PROB1: variants seen among roughly 807,000 people sequenced by gnomAD.
The protein encoded by PROB1 is proline rich basic protein 1, also known as proline-rich basic protein 1.
For missense variants in PROB1, 1,453 were observed against 1,485.7 expected (o/e 0.98, Z 0.36); for synonymous variants, 660 against 699.3 (o/e 0.94, Z 0.89).
At position 139,393,714 on chromosome 5, in the gene PROB1, C is replaced by G. The variant is rs993204700; in HGVS notation, c.1368G>C (p.Pro456=). The part of the protein sequence containing the change: ...ETVSRRSPSP[P]ILSQWNQCVA... Reference sequence around the variant, plus strand: ...CACACTGATTCCACTGGGAAAGGATCGGAGGGGAAGGGCTTCTCCTGCTGA... The same window carrying G: ...CACACTGATTCCACTGGGAAAGGATGGGAGGGGAAGGGCTTCTCCTGCTGA... Residue 456 remains proline, a synonymous_variant, in exon 1 of 1, where the codon CCG becomes CCC. Coordinates refer to ENST00000434752, the MANE Select transcript of PROB1 (RefSeq NM_001161546.2). The G allele has an allele frequency of 2.6e-6, 4 of 1,551,148 alleles. No homozygotes were observed. The highest frequency in any genetic ancestry group is 3.5e-6 in the Non-Finnish European group (4 of 1,146,990).
chr5:139,393,973 G>A lies in PROB1; in HGVS notation c.1109C>T (p.Ala370Val). Residue 370 changes from alanine to valine, a missense_variant, in exon 1 of 1, where the codon GCA becomes GTA. Coordinates refer to ENST00000434752, the MANE Select transcript of PROB1 (RefSeq NM_001161546.2). ...CCTACACTCAAAAGGCGGACTCCGT[G>A]CCCTCTGAACAGTTCGATCCGGCGC... ...REAPDRTVQRARSPPFECRIP... is the reference protein window; with the variant it reads ...REAPDRTVQRVRSPPFECRIP... The A allele has an allele frequency of 1.3e-6, 2 of 1,550,586 alleles. No homozygotes were observed. Among genetic ancestry groups the A allele is most frequent in the Non-Finnish European group, 1.7e-6 (2 of 1,146,988 alleles).
Position 139,392,567 on chromosome 5 carries a change from G to T in PROB1, c.2515C>A (p.Pro839Thr). 1 of 1,353,366 alleles carries T rather than the reference G, an allele frequency of 7.4e-7. No individual in the cohort carries two copies. Among genetic ancestry groups the T allele is most frequent in the Non-Finnish European group, 9.5e-7 (1 of 1,057,926 alleles). The allele number at this position is 1,353,366 out of a possible 1,614,324, so 83.8% of individuals were successfully genotyped here. Residue 839 changes from proline (P) to threonine (T), a missense_variant, in exon 1 of 1, where the codon CCC becomes ACC. Pro to Thr is a conservative substitution (Grantham distance 38). Coordinates refer to ENST00000434752, the MANE Select transcript of PROB1 (RefSeq NM_001161546.2). The surrounding 1 kb of genome is among the most constrained non-coding windows in gnomAD (Gnocchi z 5.8). Reference protein sequence around the residue: ...AAVQAPLPREPLALAGRTAPA... With the variant: ...AAVQAPLPRETLALAGRTAPA... ...GCCGTCCTGCCCGCCAACGCCAGGG[G>T]CTCCCGCGGGAGTGGCGCCTGGACG...
At position 139,392,878 on chromosome 5, in the gene PROB1, A is replaced by G. The variant is rs1304944837; in HGVS notation, c.2204T>C (p.Leu735Pro). ...AKPFKRTEIRLPGALALGRRP... is the reference protein window; with the variant it reads ...AKPFKRTEIRPPGALALGRRP... ...GCGACCCAAGGCCAGGGCCCCAGGC[A>G]GGCGGATCTCTGTGCGCTTGAAGGG... Residue 735 changes from leucine (L) to proline (P), a missense_variant, in exon 1 of 1, where the codon CTG (leucine) becomes CCG (proline). Physicochemically the swap from Leu to Pro is moderately conservative, Grantham distance 98. Coordinates refer to ENST00000434752, the MANE Select transcript of PROB1 (RefSeq NM_001161546.2). This position sits in a 1 kb window ranked among gnomAD's most constrained non-coding sequence, Gnocchi z 5.8. The G allele has an allele frequency of 1.3e-6, 2 of 1,544,576 alleles. No individual in the cohort carries two copies. Among genetic ancestry groups the G allele is most frequent in the Non-Finnish European group, 1.7e-6 (2 of 1,144,014 alleles).
At position 139,393,001 on chromosome 5, in the gene PROB1, G is replaced by A. The variant is rs928225780; in HGVS notation, c.2081C>T (p.Pro694Leu). ...GAAGGACGGTTCAGGAGGCTCGTAG[G>A]GGTGCGGCACCACCGGTAGAAAATC... The part of the protein sequence containing the change: ...IKDFLPVVPH[P>L]YEPPEPSFDT... Residue 694 changes from proline to leucine, a missense_variant, in exon 1 of 1, where the codon CCC becomes CTC. By Grantham distance (98) the Pro-to-Leu change is moderately conservative (BLOSUM62 -3). Transcript: ENST00000434752. 6.6e-7 allele frequency: 1 copy of A among 1,519,392 alleles called. No individual in the cohort carries two copies. Among genetic ancestry groups the A allele is most frequent in the Admixed American group, 2.2e-5 (1 of 45,558 alleles). The allele number at this position is 1,519,392 out of a possible 1,614,324, so 94.1% of individuals were successfully genotyped here. A position where few individuals can be genotyped will look rare whatever the true frequency, so the allele number is the denominator to read the frequency against.
Position 139,392,849 on chromosome 5 carries a change from G to T in PROB1, c.2233C>A (p.Pro745Thr). Residue 745 changes from proline to threonine, a missense_variant, in exon 1 of 1, where the codon CCC becomes ACC. Transcript: ENST00000434752. This position sits in a 1 kb window ranked among gnomAD's most constrained non-coding sequence, Gnocchi z 5.8. ...LPGALALGRR[P>T]EVTSRVRARG... ...GCTCGCACTCGCGAGGTTACCTCGGGCCGGCGACCCAAGGCCAGGGCCCCA... is the reference window on the plus strand; with the variant it reads ...GCTCGCACTCGCGAGGTTACCTCGGTCCGGCGACCCAAGGCCAGGGCCCCA... 1 of 1,540,442 alleles carries T rather than the reference G, an allele frequency of 6.5e-7. No homozygotes were observed.
In PROB1 at chr5:139,393,154, G is replaced by A; in HGVS notation, c.1928C>T (p.Ala643Val). The part of the protein sequence containing the change: ...TTYAPGFPAG[A>V]QGSGLPAPPA... ...AGGCGCAGGCAGCCCAGAGCCTTGT[G>A]CTCCTGCCGGGAAGCCTGGCGCGTA... Residue 643 changes from alanine (A) to valine (V), a missense_variant, in exon 1 of 1, where the codon GCA becomes GTA. Coordinates refer to ENST00000434752, the MANE Select transcript of PROB1 (RefSeq NM_001161546.2). The A allele has an allele frequency of 6.5e-7, 1 of 1,546,376 alleles. No individual in the cohort carries two copies. The highest frequency in any genetic ancestry group is 8.7e-7 in the Non-Finnish European group (1 of 1,144,464).
At position 139,392,715 on chromosome 5, in the gene PROB1, G is replaced by C. The variant is rs969351919; in HGVS notation, c.2367C>G (p.Ser789=). ...LGGARSSSQR[S]PVGPAGVRSP... ...ATCGGACCCCTGCTGGCCCTACGGG[G>C]GAGCGCTGGGATGAGCTGCGGGCGC... The change falls in exon 1 of 1, where the codon TCC becomes TCG. Residue 789 remains serine, a synonymous_variant. Coordinates refer to ENST00000434752, the MANE Select transcript of PROB1 (RefSeq NM_001161546.2). This position sits in a 1 kb window ranked among gnomAD's most constrained non-coding sequence, Gnocchi z 5.8. The C allele has an allele frequency of 7.1e-7, 1 of 1,399,708 alleles. No individual in the cohort carries two copies. The highest frequency in any genetic ancestry group is 9.3e-7 in the Non-Finnish European group (1 of 1,076,988). 86.7% of individuals were successfully genotyped at this position (1,399,708 alleles called of 1,614,324 possible).
At position 139,394,140 on chromosome 5, in the gene PROB1, C is replaced by T. The variant is rs1228834108; in HGVS notation, c.942G>A (p.Pro314=). Residue 314 remains proline (P), a synonymous_variant, in exon 1 of 1, where the codon CCG becomes CCA. Coordinates refer to ENST00000434752, the MANE Select transcript of PROB1 (RefSeq NM_001161546.2). The part of the protein sequence containing the change: ...DNSAPAKAPR[P]WPSLRERAIR... ...TCGCGCGCTCGCGGAGGCTGGGCCACGGCCTCGGGGCCTTGGCGGGGGCCG... is the reference window on the plus strand; with the variant it reads ...TCGCGCGCTCGCGGAGGCTGGGCCATGGCCTCGGGGCCTTGGCGGGGGCCG... The T allele has an allele frequency of 1.9e-6, 3 of 1,546,770 alleles. No individual in the cohort carries two copies. The highest frequency in any genetic ancestry group is 2.4e-5 in the South Asian group (2 of 83,866).
At position 139,393,364 on chromosome 5, in the gene PROB1, A is replaced by G. The variant is rs1414281407; in HGVS notation, c.1718T>C (p.Leu573Pro). The G allele has an allele frequency of 6.4e-7, 1 of 1,551,426 alleles. No individual in the cohort carries two copies. Among genetic ancestry groups the G allele is most frequent in the East Asian group, 2.4e-5 (1 of 40,938 alleles). ...QSPSTREISD[L>P]AFGGSQQSPE... The stretch of plus-strand genomic sequence containing the variant: ...GGACTGCTGACTCCCTCCAAAGGCA[A>G]GATCTGAAATTTCCCGCGTGGATGG... The change falls in exon 1 of 1, where the codon CTT becomes CCT. Residue 573 changes from leucine (L) to proline (P), a missense_variant. Leu to Pro is a moderately conservative substitution (Grantham distance 98). Transcript: ENST00000434752.
chr5:139,391,964 G>A lies in PROB1; in HGVS notation c.*70C>T. 8.1e-7 allele frequency: 1 copy of A among 1,231,196 alleles called. No homozygotes were observed. The highest frequency in any genetic ancestry group is 1.1e-6 in the Non-Finnish European group (1 of 951,588). 76.3% of individuals were successfully genotyped at this position (1,231,196 alleles called of 1,614,324 possible). ...ACAGAGGCGACGGAAGGAGAGGAGGGTAGGGGCTTGGATGCCAGAACCTCC... is the reference window on the plus strand; with the variant it reads ...ACAGAGGCGACGGAAGGAGAGGAGGATAGGGGCTTGGATGCCAGAACCTCC... On this transcript the variant is annotated 3_prime_UTR_variant, in exon 1 of 1. Transcript: ENST00000434752. The surrounding 1 kb of genome is among the most constrained non-coding windows in gnomAD (Gnocchi z 4.8).
At position 139,393,566 on chromosome 5, in the gene PROB1, C is replaced by A. The variant is rs1358500368; in HGVS notation, c.1516G>T (p.Ala506Ser). 6 of 1,551,154 alleles carry A rather than the reference C, an allele frequency of 3.9e-6. No individual in the cohort carries two copies. Among genetic ancestry groups the A allele is most frequent in the Non-Finnish European group, 5.2e-6 (6 of 1,146,896 alleles). The change falls in exon 1 of 1, where the codon GCT becomes TCT. Residue 506 changes from alanine to serine, a missense_variant. Ala to Ser is a moderately conservative substitution (Grantham distance 99). Transcript: ENST00000434752. ...CAAGTTCCAATAGGACGATCTGGAG[C>A]CTCCCACGGGAAGAAGGCCGGCGGG... ...PSPPAFFPWE[A>S]PDRPIGTWGP...
In PROB1 at chr5:139,393,119, G is replaced by T. The variant is rs1232977793; in HGVS notation, c.1963C>A (p.Pro655Thr). ...GSGLPAPPADPCGEEGGESKT... is the reference protein window; with the variant it reads ...GSGLPAPPADTCGEEGGESKT... Reference sequence around the variant, plus strand: ...GATTCGCCGCCCTCCTCCCCGCAGGGGTCGGCAGGAGGCGCAGGCAGCCCA... The same window carrying T: ...GATTCGCCGCCCTCCTCCCCGCAGGTGTCGGCAGGAGGCGCAGGCAGCCCA... Residue 655 changes from proline (P) to threonine (T), a missense_variant, in exon 1 of 1, where the codon CCC becomes ACC. Coordinates refer to ENST00000434752, the MANE Select transcript of PROB1 (RefSeq NM_001161546.2). 7.2e-6 allele frequency: 11 copies of T among 1,529,734 alleles called. No homozygotes were observed. The highest frequency in any genetic ancestry group is 8.8e-6 in the Non-Finnish European group (10 of 1,135,370). 94.8% of individuals were successfully genotyped at this position (1,529,734 alleles called of 1,614,324 possible).
At position 139,394,699 on chromosome 5, in the gene PROB1, T is replaced by C; in HGVS notation, c.383A>G (p.Asp128Gly). 6.5e-7 allele frequency: 1 copy of C among 1,533,728 alleles called. No individual in the cohort carries two copies. The highest frequency in any genetic ancestry group is 8.7e-7 in the Non-Finnish European group (1 of 1,145,004). Residue 128 changes from aspartate to glycine, a missense_variant, in exon 1 of 1, where the codon GAT becomes GGT. Asp to Gly is a moderately conservative substitution (Grantham distance 94). Coordinates refer to ENST00000434752, the MANE Select transcript of PROB1 (RefSeq NM_001161546.2). ...CGTGAACTGTTGTTGCGCCTCGCGA[T>C]CGTCTGCGCCGGAGCAGCCGAACAG... is the stretch of plus-strand genomic sequence containing the variant. ...GPLFGCSGAD[D>G]REAQQQFTEP...
At position 139,391,666 on chromosome 5, in the gene PROB1, G is replaced by T. The variant is rs964520960; in HGVS notation, c.*368C>A. Reference sequence around the variant, plus strand: ...GCTGCTCCCGTTCCTGCTGCCCCACGGCAGCCACAGCACCTCCTCTGATCG... The same window carrying T: ...GCTGCTCCCGTTCCTGCTGCCCCACTGCAGCCACAGCACCTCCTCTGATCG... On this transcript the variant is annotated 3_prime_UTR_variant, in exon 1 of 1. Coordinates refer to ENST00000434752, the MANE Select transcript of PROB1 (RefSeq NM_001161546.2). The surrounding 1 kb of genome is among the most constrained non-coding windows in gnomAD (Gnocchi z 4.8). 49 of 187,674 alleles carry T rather than the reference G, an allele frequency of 2.6e-4. No individual in the cohort carries two copies. Among genetic ancestry groups the T allele is most frequent in the African/African-American group, 1.0e-3 (44 of 42,972 alleles). 11.6% of individuals were successfully genotyped at this position (187,674 alleles called of 1,614,324 possible). A position where few individuals can be genotyped will look rare whatever the true frequency, so the allele number is the denominator to read the frequency against.
In PROB1 at chr5:139,392,978, A is replaced by C; in HGVS notation, c.2104T>G (p.Phe702Val). 1 of 1,506,188 alleles carries C rather than the reference A, an allele frequency of 6.6e-7. No individual in the cohort carries two copies. Among genetic ancestry groups the C allele is most frequent in the Non-Finnish European group, 8.9e-7 (1 of 1,123,708 alleles). The allele number at this position is 1,506,188 out of a possible 1,614,324, so 93.3% of individuals were successfully genotyped here. A position where few individuals can be genotyped will look rare whatever the true frequency, so the allele number is the denominator to read the frequency against. ...PHPYEPPEPS[F>V]DTVARDASQP... ...GAGGCGTCCCGGGCGACCGTGTCGA[A>C]GGACGGTTCAGGAGGCTCGTAGGGG... Residue 702 changes from phenylalanine to valine, a missense_variant, in exon 1 of 1, where the codon TTC (phenylalanine) becomes GTC (valine). Transcript: ENST00000434752. This position sits in a 1 kb window ranked among gnomAD's most constrained non-coding sequence, Gnocchi z 5.8.
Position 139,394,939 on chromosome 5 carries a change from G to A in PROB1, c.143C>T (p.Pro48Leu), listed in dbSNP as rs1454908985. The A allele has an allele frequency of 1.3e-6, 2 of 1,520,850 alleles. No individual in the cohort carries two copies. Among genetic ancestry groups the A allele is most frequent in the African/African-American group, 1.4e-5 (1 of 69,052 alleles). The allele number at this position is 1,520,850 out of a possible 1,614,324, so 94.2% of individuals were successfully genotyped here. ...CCAATTCGCTGGGCCTTTCGCGTCC[G>A]GCCCAACGTCCGGGGGCTCCGGAGA... The part of the protein sequence containing the change: ...PGSPEPPDVG[P>L]DAKGPANWPW... The change falls in exon 1 of 1, where the codon CCG becomes CTG. Residue 48 changes from proline (P) to leucine (L), a missense_variant. Physicochemically the swap from Pro to Leu is moderately conservative, Grantham distance 98. Coordinates refer to ENST00000434752, the MANE Select transcript of PROB1 (RefSeq NM_001161546.2).
chr5:139,394,298 C>T lies in PROB1; in HGVS notation c.784G>A (p.Glu262Lys). The T allele has an allele frequency of 2.6e-6, 4 of 1,517,468 alleles. No individual in the cohort carries two copies. The highest frequency in any genetic ancestry group is 3.5e-6 in the Non-Finnish European group (4 of 1,133,056). 94.0% of individuals were successfully genotyped at this position (1,517,468 alleles called of 1,614,324 possible). A position where few individuals can be genotyped will look rare whatever the true frequency, so the allele number is the denominator to read the frequency against. ...GTGGCGCTGCTCGGGGCCGGGGCCT[C>T]GGGGCTCAGTTTTCTGGCCAACGCC... ...QTALARKLSP[E>K]APAPSSATFG... is the part of the protein sequence containing the mutation. The change falls in exon 1 of 1, where the codon GAG becomes AAG. Residue 262 changes from glutamate to lysine, a missense_variant. Transcript: ENST00000434752.
Position 139,392,169 on chromosome 5 carries a change from C to T in PROB1, c.2913G>A (p.Glu971=). 8 of 1,408,128 alleles carry T rather than the reference C, an allele frequency of 5.7e-6. No homozygotes were observed. The highest frequency in any genetic ancestry group is 7.4e-6 in the Non-Finnish European group (8 of 1,076,256). The allele number at this position is 1,408,128 out of a possible 1,614,324, so 87.2% of individuals were successfully genotyped here. A position where few individuals can be genotyped will look rare whatever the true frequency, so the allele number is the denominator to read the frequency against. The change falls in exon 1 of 1, where the codon GAG becomes GAA. Residue 971 remains glutamate (E), a synonymous_variant. Transcript: ENST00000434752. The surrounding 1 kb of genome is among the most constrained non-coding windows in gnomAD (Gnocchi z 5.8). ...LGSPQLPWVS[E]AGPLDGTYYL... ...AGTAGGTCCCGTCCAGGGGCCCTGC[C>T]TCAGAGACCCAGGGTAGCTGGGGGC...
rs553155136 is a variant in PROB1 at position 139,393,479 on chromosome 5, G to C, written c.1603C>G (p.Gln535Glu). The change falls in exon 1 of 1, where the codon CAG becomes GAG. Residue 535 changes from glutamine (Q) to glutamate (E), a missense_variant. By Grantham distance (29) the Gln-to-Glu change is conservative. Coordinates refer to ENST00000434752, the MANE Select transcript of PROB1 (RefSeq NM_001161546.2). ...TGAGTTAACCCATTCTGAGCTTCCT[G>C]AGTAAATGCTATCGATGAGCCCGGC... The part of the protein sequence containing the change: ...MGPGSSIAFT[Q>E]EAQNGLTQEE... 12 of 1,551,668 alleles carry C rather than the reference G, an allele frequency of 7.7e-6. No individual in the cohort carries two copies. The highest frequency in any genetic ancestry group is 9.6e-6 in the Non-Finnish European group (11 of 1,146,990).
Sources: allele counts gnomAD v4.1 joint callset, GRCh38; gene constraint gnomAD v4.1.1; non-coding constraint Gnocchi (gnomAD v3.1); transcripts MANE v1.5; gene names NCBI Gene and HGNC (gene_info 2026-07-23, HGNC 2026-07-21).